Variants in GRAMD1C observed in about 807,000 individuals in gnomAD.
GRAMD1C encodes protein Aster-C.
Under a neutral mutation model 97.8 loss-of-function variants are expected in GRAMD1C, and 89 were observed. The ratio of observed to expected loss-of-function variants is 0.91; its 90% CI spans 0.77 to 1.09. The LOEUF (loss-of-function observed/expected upper bound fraction) is 1.09, where lower values mean the gene tolerates loss of function less well. Ranked by LOEUF, GRAMD1C falls within the 50% of genes least tolerant of loss-of-function variation. The pLI is 0.00. For synonymous variants in GRAMD1C, 256 were observed against 267.0 expected, an observed-to-expected ratio of 0.96 and a Z score of 0.40; for missense variants, 740 against 766.4, an observed-to-expected ratio of 0.97 and a Z score of 0.41.
At chr3:113,886,069 CGG>C in intron 6 of GRAMD1C, 1 of 731,674 alleles carries the variant, frequency 1.4e-6, no homozygotes, top group South Asian at 4.4e-5. Context: ...GGTGGGGGGG[CGG>C]GGGGGAAAGG....
At position 113,832,793 on chromosome 3, in the gene GRAMD1C, C is replaced by T. The variant is rs771585559; in HGVS notation, n.98+4514C>T. ...GAAGAAAAATACATACAGAAACAAGCAATTATCTTCCAGTCTTTGCAGACT... is the reference window on the plus strand; with the variant it reads ...GAAGAAAAATACATACAGAAACAAGTAATTATCTTCCAGTCTTTGCAGACT... On this transcript the variant is annotated intron_variant and non_coding_transcript_variant, in intron 1 of 18. Transcript: ENST00000479212. Among the ~76,000 whole-genome samples the T allele has an allele frequency of 2.0e-5, 3 of 152,104 alleles. No homozygotes were observed. The South Asian group carries it at 6.2e-4, about 32-fold the overall frequency.
At chr3:113,887,079 CTTTTTGTTTTTTTTTTG>C (rs1179374574) in intron 6 of GRAMD1C, among the ~76,000 whole-genome samples, 5 of 97,506 alleles carry the variant, frequency 5.1e-5, no homozygotes, top group Non-Finnish European at 6.2e-5. Flanking sequence ...TGCGCCTGGC[CTTTTTGTTTTTTTTTTG>C]TTTTTTTTTT....
At chr3:113,923,357 G>C (rs1005417414) in intron 10 of GRAMD1C, among the ~76,000 whole-genome samples, 1 of 152,136 alleles carries the variant, frequency 6.6e-6, no homozygotes, top group African/African-American at 2.4e-5. Context: ...TTCTCAAGGG[G>C]AATTGTTCCA....
intron 6 of GRAMD1C, 89 bp from the exon 7 acceptor site, chr3:113,900,942 A>G: frequency 1.4e-6 from 1 of 718,090 alleles, no homozygotes; most frequent in East Asian, 2.6e-5. Context: ...ACAACAGGTC[A>G]TTTTTGACTT....
At chr3:113,890,800 G>A (rs1162232268) in intron 6 of GRAMD1C, 1 of 691,926 alleles carries the variant, frequency 1.4e-6, no homozygotes, top group Non-Finnish European at 2.6e-6. Flanking sequence ...ATATCTCCAG[G>A]GAAGTGATAA....
Position 113,897,796 on chromosome 3 carries a change from ACT to A in GRAMD1C, c.541-3231_541-3230del, listed in dbSNP as rs374255832. Reference sequence around the variant, plus strand: ...CTACTCTGTAGGCTGAAAGGGAGAGACTCTCCTTGGTTTGCAGGTGGGTGGTC... The same window carrying A: ...CTACTCTGTAGGCTGAAAGGGAGAGACTCCTTGGTTTGCAGGTGGGTGGTC... On this transcript the variant is annotated intron_variant, in intron 6 of 17. Transcript: ENST00000358160. 1.9e-5 allele frequency: 19 copies of A among 977,914 alleles called. No individual in the cohort carries two copies. The African/African-American group carries it at 3.2e-4, about 16-fold the overall frequency. The allele number at this position is 977,914 out of a possible 1,614,324, so 60.6% of individuals were successfully genotyped here.
chr3:113,859,215 A>T (rs1022972342), intron 2 of GRAMD1C, among the ~76,000 whole-genome samples: 1 of 152,110 alleles, frequency 6.6e-6, no homozygotes, highest in African/African-American at 2.4e-5. Flanking sequence ...ATTTAGTGCT[A>T]TAAATTTCTC....
At chr3:113,921,519 C>CT (rs1937054550) in intron 10 of GRAMD1C, among the ~76,000 whole-genome samples, 2 of 152,194 alleles carry the variant, frequency 1.3e-5, no homozygotes, top group South Asian at 2.1e-4. Context: ...GTTTTAAGTT[C>CT]TTTGAGAAAT....
chr3:113,888,990 C>G (rs529464651), intron 6 of GRAMD1C, among the ~76,000 whole-genome samples: 1 of 152,250 alleles, frequency 6.6e-6, no homozygotes, highest in Admixed American at 6.5e-5. Flanking sequence ...CACCTGAGGT[C>G]GGGAGTTCGA....
At chr3:113,932,086 A>G (rs936051188) in intron 11 of GRAMD1C, among the ~76,000 whole-genome samples, 1 of 152,214 alleles carries the variant, frequency 6.6e-6, no homozygotes, top group Admixed American at 6.5e-5. Context: ...GAGCTATTTA[A>G]TGCTCTTTAT....
At chr3:113,853,147 C>T (rs1454720298) in intron 2 of GRAMD1C, among the ~76,000 whole-genome samples, 1 of 152,008 alleles carries the variant, frequency 6.6e-6, no homozygotes, top group African/African-American at 2.4e-5. Context: ...GAACACCAGG[C>T]AGATTTGAAA....
chr3:113,907,689 G>T (rs947553258), intron 8 of GRAMD1C, among the ~76,000 whole-genome samples: 1 of 152,094 alleles, frequency 6.6e-6, no homozygotes. Context: ...AATACTCTTT[G>T]TAAAACTTCA....
At chr3:113,932,230 A>G (rs1222449585) in intron 11 of GRAMD1C, among the ~76,000 whole-genome samples, 3 of 152,220 alleles carry the variant, frequency 2.0e-5, no homozygotes, top group Non-Finnish European at 4.4e-5. Flanking sequence ...AAACAAATGG[A>G]CAAAACAATA....
Position 113,936,426 on chromosome 3 carries a change from CA to C in GRAMD1C, c.1620del (p.Asp542IlefsTer19). 1 of 1,606,670 alleles carries C rather than the reference CA, an allele frequency of 6.2e-7. No homozygotes were observed. Among genetic ancestry groups the C allele is most frequent in the Non-Finnish European group, 8.5e-7 (1 of 1,175,992 alleles). On this transcript the variant is annotated frameshift_variant, in exon 14 of 18. Coordinates refer to ENST00000358160, the MANE Select transcript of GRAMD1C (RefSeq NM_017577.5). LOFTEE classifies it high-confidence loss of function. ...CCTCTGGAGATGTGGGCTTAGGTGC[CA>C]AAGGGGATATTACAGGTAGTTGTCA... ...HSSGDVGLGA[K>X]GDITGKKKEM... is the part of the protein sequence containing the mutation.
At chr3:113,919,761 G>A (rs1027606359) in intron 10 of GRAMD1C, 5 of 585,176 alleles carry the variant, frequency 8.5e-6, no homozygotes, top group South Asian at 3.0e-5. Flanking sequence ...TTTGAATATA[G>A]TAAGTCAAAG....
chr3:113,858,594 C>A (rs1045606545), intron 2 of GRAMD1C, among the ~76,000 whole-genome samples: 1 of 152,020 alleles, frequency 6.6e-6, no homozygotes, highest in African/African-American at 2.4e-5. Flanking sequence ...CAGGGTTTCA[C>A]CATGTTGGCC....
chr3:113,850,268 A>C, intron 2 of GRAMD1C: 1 of 666,644 alleles, frequency 1.5e-6, no homozygotes, highest in Non-Finnish European at 2.8e-6. Flanking sequence ...TCCACGACCA[A>C]ATCTGCCTTT....
chr3:113,914,078 A>G (rs993879833), intron 9 of GRAMD1C, among the ~76,000 whole-genome samples: 1 of 152,240 alleles, frequency 6.6e-6, no homozygotes, highest in Non-Finnish European at 1.5e-5. Flanking sequence ...GAAATGAACA[A>G]GATCAACAGA....
chr3:113,885,322 G>C (rs1935430203), intron 6 of GRAMD1C: 3 of 1,585,206 alleles, frequency 1.9e-6, no homozygotes, highest in East Asian at 2.2e-5. Context: ...GTGTCTGCTG[G>C]GACTGCGCAC....
Sources: allele counts gnomAD v4.1 joint callset (sites outside exome capture counted in the v4.1 genomes callset), GRCh38; gene constraint gnomAD v4.1.1; transcripts MANE v1.5; gene names NCBI Gene and HGNC (gene_info 2026-07-23, HGNC 2026-07-21).